The following PDLIM5 variants were observed in gnomAD, a reference collection of about 807,000 sequenced individuals.
PDLIM5 encodes PDZ and LIM domain protein 5.
PDLIM5 carries 34 observed loss-of-function variants against 64.2 expected under a neutral mutation model. That is an observed-to-expected ratio of 0.53 (90% CI 0.40 to 0.71). The LOEUF (loss-of-function observed/expected upper bound fraction) is 0.71. PDLIM5 is among the 30% of genes least tolerant of loss of function. The probability of loss-of-function intolerance (pLI) is 0.00; values close to 1 mark genes in which losing one functional copy is unlikely to be tolerated. For missense variants in PDLIM5, 683 were observed against 733.6 expected (o/e 0.93, Z 0.80); for synonymous variants, 253 against 269.1 (o/e 0.94, Z 0.59).
At chr4:94,649,015 G>A (rs549999274) in intron 9 of PDLIM5, among the ~76,000 whole-genome samples, 5 of 151,266 alleles carry the variant, frequency 3.3e-5, no homozygotes, top group African/African-American at 1.2e-4. Context: ...TCACTCTGTT[G>A]CTGACGCTGG....
intron 3 of PDLIM5, among the ~76,000 whole-genome samples, chr4:94,541,936 A>C (rs531990317): frequency 6.6e-6 from 1 of 152,324 alleles, no homozygotes; most frequent in African/African-American, 2.4e-5. Flanking sequence ...AGAGCCTGCT[A>C]TTCTCTCCGG....
intron 9 of PDLIM5, among the ~76,000 whole-genome samples, chr4:94,645,147 C>T (rs1468219796): frequency 6.6e-6 from 1 of 152,186 alleles, no homozygotes; most frequent in East Asian, 1.9e-4. Context: ...TTAGCTCCTA[C>T]TTATGAGTGA....
intron 7 of PDLIM5, chr4:94,611,299 C>A: frequency 9.8e-7 from 1 of 1,024,806 alleles, no homozygotes; most frequent in Non-Finnish European, 1.4e-6. Context: ...TGAGAACATG[C>A]TAGAGTTCTA....
chr4:94,628,620 A>G (rs1423819908), intron 8 of PDLIM5, among the ~76,000 whole-genome samples: 1 of 151,910 alleles, frequency 6.6e-6, no homozygotes, highest in African/African-American at 2.4e-5. Flanking sequence ...TTCATTTCTG[A>G]AATTAGGCTG....
intron 2 of PDLIM5, among the ~76,000 whole-genome samples, chr4:94,496,226 ATTAC>A (rs1413777712): frequency 6.6e-6 from 1 of 152,200 alleles, no homozygotes. Context: ...AAATGAATGT[ATTAC>A]TTATTTTGTA....
intron 2 of PDLIM5, among the ~76,000 whole-genome samples, chr4:94,468,972 G>A (rs1724611414): frequency 6.6e-6 from 1 of 152,174 alleles, no homozygotes; most frequent in Non-Finnish European, 1.5e-5. Flanking sequence ...ACATAGGAGA[G>A]GACATAAATG....
At chr4:94,570,821 A>T (rs1229139213) in intron 3 of PDLIM5, among the ~76,000 whole-genome samples, 1 of 152,170 alleles carries the variant, frequency 6.6e-6, no homozygotes, top group Admixed American at 6.5e-5. Context: ...CTTAGACAAG[A>T]GCTCATCTCA....
At chr4:94,586,611 T>C (rs1736227058) in intron 7 of PDLIM5, among the ~76,000 whole-genome samples, 167 bp downstream of exon 7, 1 of 152,216 alleles carries the variant, frequency 6.6e-6, no homozygotes, top group Non-Finnish European at 1.5e-5. Context: ...AACTTGCAGA[T>C]TTTAAAAGTA....
chr4:94,491,818 G>A (rs955465588), intron 2 of PDLIM5, among the ~76,000 whole-genome samples: 14 of 152,010 alleles, frequency 9.2e-5, no homozygotes, highest in African/African-American at 3.1e-4. Flanking sequence ...ACAATGTGAT[G>A]TTTTGATATA....
intron 7 of PDLIM5, chr4:94,587,589 T>A: frequency 1.0e-6 from 1 of 967,752 alleles, no homozygotes; most frequent in Non-Finnish European, 1.2e-6. Flanking sequence ...ACAAAGACTT[T>A]ATTAAAGAAG....
chr4:94,455,036 A>G (rs892211973), intron 1 of PDLIM5, among the ~76,000 whole-genome samples: 2 of 152,228 alleles, frequency 1.3e-5, no homozygotes, highest in Non-Finnish European at 2.9e-5. Flanking sequence ...ATGTATTCTG[A>G]TATGGAATTT....
rs114176611 is a variant in PDLIM5, at chr4:94,465,045, A to G, written c.96+9661A>G. On this transcript the variant is annotated intron_variant, in intron 2 of 12. Transcript: ENST00000317968. ...TCTCTGGTTGGTTTTCAAGTTGCAT[A>G]TAAATGGGCCCGTTTAATATAACTT... Among the ~76,000 whole-genome samples the G allele has an allele frequency of 4.4e-3, 677 of 152,280 alleles. 7 individuals carry two copies. Among genetic ancestry groups the G allele is most frequent in the African/African-American group, 0.016 (650 of 41,570 alleles).
intron 7 of PDLIM5, chr4:94,588,136 C>T: frequency 1.1e-6 from 1 of 951,888 alleles, no homozygotes; most frequent in Non-Finnish European, 1.3e-6. Context: ...TAGCTTTGTA[C>T]TTGTTCTGTT....
chr4:94,557,248 C>G (rs1326256324), intron 3 of PDLIM5, among the ~76,000 whole-genome samples: 1 of 152,096 alleles, frequency 6.6e-6, no homozygotes, highest in Non-Finnish European at 1.5e-5. Context: ...GGGCTCTGTT[C>G]TGTTCCATTG....
At chr4:94,600,615 T>C (rs185815350) in intron 7 of PDLIM5, among the ~76,000 whole-genome samples, 8 of 152,324 alleles carry the variant, frequency 5.3e-5, no homozygotes, top group Admixed American at 5.2e-4. Flanking sequence ...AAATGGCAGA[T>C]TTTTGTCACA....
chr4:94,659,404 A>G (rs1256439897), intron 11 of PDLIM5, among the ~76,000 whole-genome samples: 36 of 151,874 alleles, frequency 2.4e-4, no homozygotes, highest in Admixed American at 2.3e-3. Flanking sequence ...TTTTCTGGAC[A>G]TTGTAATTGG....
intron 2 of PDLIM5, among the ~76,000 whole-genome samples, chr4:94,470,362 G>A (rs1241258657): frequency 6.6e-6 from 1 of 152,098 alleles, no homozygotes; most frequent in Admixed American, 6.5e-5. Context: ...CTTTAATAAA[G>A]AAATGTTGCA....
intron 9 of PDLIM5, among the ~76,000 whole-genome samples, chr4:94,644,610 C>T (rs1025944549): frequency 6.6e-6 from 1 of 151,674 alleles, no homozygotes; most frequent in African/African-American, 2.4e-5. Context: ...ACTGCAACCT[C>T]GGCTCACTGC....
At chr4:94,657,371 A>G in intron 10 of PDLIM5, 56 bp from the exon 11 acceptor site, 3 of 1,262,560 alleles carry the variant, frequency 2.4e-6, no homozygotes, top group Non-Finnish European at 3.5e-6. Context: ...TAGAATAAAC[A>G]TTTATGTATT....
Sources: allele counts gnomAD v4.1 joint callset (sites outside exome capture counted in the v4.1 genomes callset), GRCh38; gene constraint gnomAD v4.1.1; transcripts MANE v1.5; gene names NCBI Gene and HGNC (gene_info 2026-07-23, HGNC 2026-07-21).